The following PHIP variants were observed in gnomAD, a reference collection of about 807,000 sequenced individuals.
The protein encoded by PHIP is PH-interacting protein.
Under a neutral mutation model 236.8 loss-of-function variants are expected in PHIP, and 54 were observed. The observed-to-expected ratio is 0.23, with a 90% CI of 0.18 to 0.29. The LOEUF (loss-of-function observed/expected upper bound fraction) is 0.29. PHIP is among the 10% of genes least tolerant of loss of function. PHIP has a pLI of 1.00. For missense variants in PHIP, 1,370 were observed against 2,190.8 expected, an observed-to-expected ratio of 0.63 and a Z score of 7.48; for synonymous variants, 756 against 718.9, an observed-to-expected ratio of 1.05 and a Z score of -0.83.
intron 22 of PHIP, among the ~76,000 whole-genome samples, chr6:78,983,439 G>A (rs768111995): frequency 1.3e-5 from 2 of 152,130 alleles, no homozygotes; most frequent in Admixed American, 6.6e-5. Flanking sequence ...AATTCTGTGA[G>A]CATATAAAAA....
At chr6:79,009,964 A>T (rs1770487487) in intron 15 of PHIP, among the ~76,000 whole-genome samples, 1 of 151,994 alleles carries the variant, frequency 6.6e-6, no homozygotes, top group African/African-American at 2.4e-5. Context: ...TTCCTTACCC[A>T]AAGAAGCTGA....
At position 79,003,754 on chromosome 6, in the gene PHIP, A is replaced by G. The variant is rs1461540262; in HGVS notation, c.1629T>C (p.Phe543=). 6.2e-7 allele frequency: 1 copy of G among 1,608,040 alleles called. No individual in the cohort carries two copies. Among genetic ancestry groups the G allele is most frequent in the Admixed American group, 1.7e-5 (1 of 59,082 alleles). The change falls in exon 16 of 40, where the codon TTT becomes TTC. Residue 543 remains phenylalanine (F), a synonymous_variant. Transcript: ENST00000275034. ...DSHGHLLIFG[F]GSSSKYDKIA... is the part of the protein sequence containing the mutation. ...CCTTGTCATATTTGCTACTGGACCCAAAGCCAAAAATTAAAAGATGTCCAT... is the reference window on the plus strand; with the variant it reads ...CCTTGTCATATTTGCTACTGGACCCGAAGCCAAAAATTAAAAGATGTCCAT...
rs112016063 is a variant in PHIP at position 78,991,149 on chromosome 6, G to C, written c.2202-164C>G. On this transcript the variant is annotated intron_variant, in intron 19 of 39. Coordinates refer to ENST00000275034, the MANE Select transcript of PHIP (RefSeq NM_017934.7). ...TTTAATTTCATAGGTTGTGGGCTCA[G>C]GACATCCGGCATTAAATGACTGAAA... 8.8e-3 allele frequency among the ~76,000 whole-genome samples: 1,340 copies of C among 152,236 alleles called. 21 individuals carry two copies. The highest frequency in any genetic ancestry group is 0.029 in the African/African-American group (1,213 of 41,518).
intron 4 of PHIP, among the ~76,000 whole-genome samples, chr6:79,071,919 A>C (rs1028559661): frequency 6.6e-6 from 1 of 151,810 alleles, no homozygotes; most frequent in Non-Finnish European, 1.5e-5. Context: ...TTATTTTCTT[A>C]TTATTCATCC....
chr6:78,955,148 A>C (rs1331183264), intron 34 of PHIP, 84 bp downstream of exon 34: 1 of 999,568 alleles, frequency 1.0e-6, no homozygotes, highest in African/African-American at 1.7e-5. Flanking sequence ...GTCTTTTAAA[A>C]TGCTAAGAGT....
At chr6:79,058,322 G>A (rs1773176710) in intron 6 of PHIP, among the ~76,000 whole-genome samples, 1 of 152,024 alleles carries the variant, frequency 6.6e-6, no homozygotes, top group African/African-American at 2.4e-5. Flanking sequence ...ACGGATCTCA[G>A]AATGTATCTC....
At chr6:79,024,249 A>C (rs1771274814) in intron 9 of PHIP, among the ~76,000 whole-genome samples, 1 of 152,208 alleles carries the variant, frequency 6.6e-6, no homozygotes, top group South Asian at 2.1e-4. Flanking sequence ...TCTAAACACT[A>C]CTGTTTTTAA....
intron 24 of PHIP, among the ~76,000 whole-genome samples, chr6:78,977,878 A>G (rs1328472001): frequency 1.3e-5 from 2 of 152,222 alleles, no homozygotes; most frequent in South Asian, 4.1e-4. Context: ...TTTTTCTTAA[A>G]GTGTCAATTA....
intron 34 of PHIP, 103 bp downstream of exon 34, chr6:78,955,129 A>G: frequency 1.1e-6 from 1 of 900,632 alleles, no homozygotes; most frequent in South Asian, 1.8e-5. Flanking sequence ...CTAATTTGAA[A>G]TACTTAATGT....
At chr6:79,002,550 T>C (rs1770056945) in intron 16 of PHIP, among the ~76,000 whole-genome samples, 1 of 152,108 alleles carries the variant, frequency 6.6e-6, no homozygotes, top group East Asian at 1.9e-4. Context: ...TTGTCCAGCA[T>C]ATCCACATTG....
chr6:79,039,292 T>C (rs1384450168), intron 7 of PHIP, among the ~76,000 whole-genome samples: 5 of 152,188 alleles, frequency 3.3e-5, no homozygotes, highest in African/African-American at 4.8e-5. Context: ...TTCTATGCCA[T>C]ATCCATTAAT....
intron 27 of PHIP, among the ~76,000 whole-genome samples, chr6:78,968,665 T>C (rs1314593475): frequency 6.6e-6 from 1 of 152,242 alleles, no homozygotes; most frequent in East Asian, 1.9e-4. Context: ...CATGACTGTG[T>C]AAATACTGCT....
chr6:78,965,094 A>G (rs1447124942), intron 29 of PHIP, among the ~76,000 whole-genome samples: 1 of 152,150 alleles, frequency 6.6e-6, no homozygotes, highest in Non-Finnish European at 1.5e-5. Flanking sequence ...GTCAGGCCAT[A>G]TGCATAATGA....
At chr6:78,974,156 C>T (rs1478475498) in intron 24 of PHIP, among the ~76,000 whole-genome samples, 3 of 151,988 alleles carry the variant, frequency 2.0e-5, no homozygotes, top group Non-Finnish European at 4.4e-5. Flanking sequence ...TGTAAAAGAA[C>T]AGAAATTATA....
rs906254602 is a variant in PHIP at position 79,018,975 on chromosome 6, A to G, written c.994+114T>C. The G allele has an allele frequency of 1.3e-5, 9 of 689,870 alleles. 1 individual carries two copies. The highest frequency in any genetic ancestry group is 1.8e-5 in the Non-Finnish European group (7 of 388,804). The allele number at this position is 689,870 out of a possible 1,614,324, so 42.7% of individuals were successfully genotyped here. A position where few individuals can be genotyped will look rare whatever the true frequency, so the allele number is the denominator to read the frequency against. On this transcript the variant is annotated intron_variant, in intron 10 of 39. Coordinates refer to ENST00000275034, the MANE Select transcript of PHIP (RefSeq NM_017934.7). ...GTTACTTATTAGCTCTGGCATATGT[A>G]TAAGAACATGATTGATAATACAACA...
In PHIP at chr6:78,937,232, T is replaced by G. The variant is rs1395701409; in HGVS notation, c.*3461A>C. ...TAGATAGAAAACTGAAAAAGTTGCT[T>G]CTAGCTGACATTTGAGAGAGATATA... is the stretch of plus-strand genomic sequence containing the variant. On this transcript the variant is annotated 3_prime_UTR_variant, in exon 40 of 40. Coordinates refer to ENST00000275034, the MANE Select transcript of PHIP (RefSeq NM_017934.7). The G allele has an allele frequency of 6.6e-6, 1 of 151,716 alleles. No individual in the cohort carries two copies. The highest frequency in any genetic ancestry group is 1.5e-5 in the Non-Finnish European group (1 of 67,676). 9.4% of individuals were successfully genotyped at this position (151,716 alleles called of 1,614,324 possible). A position where few individuals can be genotyped will look rare whatever the true frequency, so the allele number is the denominator to read the frequency against.
Position 79,025,965 on chromosome 6 carries a change from C to T in PHIP, c.800G>A (p.Ser267Asn). 6.2e-7 allele frequency: 1 copy of T among 1,612,150 alleles called. No individual in the cohort carries two copies. The highest frequency in any genetic ancestry group is 8.5e-7 in the Non-Finnish European group (1 of 1,178,328). Residue 267 changes from serine (S) to asparagine (N), a missense_variant, in exon 8 of 40, where the codon AGT becomes AAT. Coordinates refer to ENST00000275034, the MANE Select transcript of PHIP (RefSeq NM_017934.7). ...TACCTGTAGTGATGTAATAGATGCA[C>T]TATGGCCCTGAAGAACAGCCAAAGG... Reference protein sequence around the residue: ...CAPLAVLQGHSASITSLQFSP... With the variant: ...CAPLAVLQGHNASITSLQFSP...
At chr6:79,038,714 G>C (rs1230154022) in intron 7 of PHIP, among the ~76,000 whole-genome samples, 1 of 151,818 alleles carries the variant, frequency 6.6e-6, no homozygotes, top group Non-Finnish European at 1.5e-5. Context: ...ATACATACAA[G>C]ATAATGTATT....
At chr6:79,034,619 C>T (rs1445636041) in intron 7 of PHIP, among the ~76,000 whole-genome samples, 1 of 152,148 alleles carries the variant, frequency 6.6e-6, no homozygotes, top group Non-Finnish European at 1.5e-5. Context: ...AGTTTCAGAA[C>T]AACTTGATAG....
Sources: allele counts gnomAD v4.1 joint callset (sites outside exome capture counted in the v4.1 genomes callset), GRCh38; gene constraint gnomAD v4.1.1; transcripts MANE v1.5; gene names NCBI Gene and HGNC (gene_info 2026-07-23, HGNC 2026-07-21).